The following ESR2 variants were observed in gnomAD, a reference collection of about 807,000 sequenced individuals.
The protein encoded by ESR2 is estrogen receptor beta.
Under a neutral mutation model 49.6 loss-of-function variants are expected in ESR2, and 36 were observed. The ratio of observed to expected loss-of-function variants is 0.73; its 90% CI spans 0.56 to 0.96. The LOEUF (loss-of-function observed/expected upper bound fraction) is 0.96, where lower values mean the gene tolerates loss of function less well. Ranked by LOEUF, ESR2 falls within the 40% of genes least tolerant of loss-of-function variation. The pLI is 0.00. For missense variants in ESR2, 714 were observed against 693.0 expected (o/e 1.03, Z -0.34); for synonymous variants, 320 against 266.1 (o/e 1.20, Z -1.97).
intron 4 of ESR2, among the ~76,000 whole-genome samples, chr14:64,261,830 C>T (rs1288579189): frequency 6.6e-6 from 1 of 152,156 alleles, no homozygotes; most frequent in African/African-American, 2.4e-5. Context: ...TAGCTCACTG[C>T]AGCCTTCATC....
intron 2 of ESR2, among the ~76,000 whole-genome samples, chr14:64,282,118 T>G (rs1254317146): frequency 6.6e-6 from 1 of 152,074 alleles, no homozygotes. Flanking sequence ...CCAAGGCAGG[T>G]GGATCATTTG....
rs2140588250 is a variant in ESR2 at position 64,229,817 on chromosome 14, C to T, written c.*3320G>A. Among the ~76,000 whole-genome samples the T allele has an allele frequency of 6.6e-6, 1 of 152,218 alleles. No individual in the cohort carries two copies. The highest frequency in any genetic ancestry group is 2.4e-5 in the African/African-American group (1 of 41,516). Reference sequence around the variant, plus strand: ...GAGGCACTGAGAACTGTGTCTGGCACAGATATTATCTTTAGATACTAAATA... The same window carrying T: ...GAGGCACTGAGAACTGTGTCTGGCATAGATATTATCTTTAGATACTAAATA... On this transcript the variant is annotated 3_prime_UTR_variant, in exon 9 of 9. Transcript: ENST00000341099.
At chr14:64,250,880 G>A (rs775270709) in intron 6 of ESR2, among the ~76,000 whole-genome samples, 3 of 152,070 alleles carry the variant, frequency 2.0e-5, no homozygotes, top group Non-Finnish European at 4.4e-5. Context: ...ACCCAGACTC[G>A]CTCACACAGA....
chr14:64,293,795 T>A (rs1310217391), intron 1 of ESR2, among the ~76,000 whole-genome samples: 1 of 152,238 alleles, frequency 6.6e-6, no homozygotes, highest in African/African-American at 2.4e-5. Context: ...CAGTTATTCA[T>A]ATTAGCACAA....
intron 7 of ESR2, among the ~76,000 whole-genome samples, chr14:64,247,487 T>C (rs1406275818): frequency 2.6e-5 from 4 of 152,218 alleles, no homozygotes; most frequent in Non-Finnish European, 5.9e-5. Flanking sequence ...AACTGCTACT[T>C]TGGCTGATTT....
rs1191887623 is a variant in ESR2, at chr14:64,315,815, C to A, written c.-91+22083G>T. Among the ~76,000 whole-genome samples the A allele has an allele frequency of 3.9e-5, 6 of 151,960 alleles. No individual in the cohort carries two copies. In the East Asian group the frequency reaches 1.2e-3, roughly 29 times the overall value. On this transcript the variant is annotated intron_variant, in intron 1 of 8. Coordinates refer to the ESR2 transcript ENST00000358599. ...AACTACAGGTGCGTGCCACCACGCCCAGCTAATTTTTGTATTTTTAGTAGA... is the reference window on the plus strand; with the variant it reads ...AACTACAGGTGCGTGCCACCACGCCAAGCTAATTTTTGTATTTTTAGTAGA...
At chr14:64,274,219 A>T (rs1245500639) in intron 3 of ESR2, among the ~76,000 whole-genome samples, 1 of 150,932 alleles carries the variant, frequency 6.6e-6, no homozygotes, top group Non-Finnish European at 1.5e-5. Context: ...AAGTGCTGGG[A>T]TTATAGGTAT....
intron 1 of ESR2, among the ~76,000 whole-genome samples, chr14:64,307,677 G>T (rs1344006463): frequency 1.3e-5 from 2 of 152,022 alleles, no homozygotes; most frequent in Admixed American, 6.6e-5. Flanking sequence ...TGGGACTACA[G>T]GCGCCCACCA....
Position 64,231,828 on chromosome 14 carries a change from A to C in ESR2, c.*1309T>G, listed in dbSNP as rs1299713117. The C allele has an allele frequency of 2.6e-5, 4 of 152,166 alleles. No homozygotes were observed. The East Asian group carries it at 7.7e-4, about 29-fold the overall frequency. The allele number at this position is 152,166 out of a possible 1,614,324, so 9.4% of individuals were successfully genotyped here. On this transcript the variant is annotated 3_prime_UTR_variant, in exon 9 of 9. Transcript: ENST00000341099. ...CCGTGTATCCAAAACTGGAAATTTC[A>C]CATCTTTTAAAAGGTGAGTTAAAGT...
intron 3 of ESR2, among the ~76,000 whole-genome samples, chr14:64,274,278 C>A (rs530470126): frequency 9.3e-4 from 141 of 152,162 alleles, no homozygotes; most frequent in Middle Eastern, 6.8e-3. Context: ...CAGCTTCAAT[C>A]TTGTTACTTG....
chr14:64,290,081 G>C (rs547307100), intron 1 of ESR2, among the ~76,000 whole-genome samples: 5 of 152,150 alleles, frequency 3.3e-5, no homozygotes, highest in East Asian at 1.9e-4. Context: ...TAGCTTTTTT[G>C]GGGGGTGGGG....
intron 1 of ESR2, chr14:64,330,123 A>G (rs938662629): frequency 2.7e-5 from 4 of 148,030 alleles, no homozygotes; most frequent in Non-Finnish European, 5.9e-5. Context: ...GTCTCAAAAA[A>G]AGAAAGAAAG....
intron 3 of ESR2, among the ~76,000 whole-genome samples, chr14:64,271,400 A>G (rs1305728266): frequency 6.6e-6 from 1 of 152,104 alleles, no homozygotes. Flanking sequence ...ATCTCGACTC[A>G]CTGCAACCTC....
chr14:64,248,232 A>G (rs1276579346), intron 7 of ESR2, among the ~76,000 whole-genome samples: 1 of 151,906 alleles, frequency 6.6e-6, no homozygotes, highest in Non-Finnish European at 1.5e-5. Context: ...GACTGTGCAC[A>G]GTGGCTCACG....
chr14:64,240,321 G>A (rs186725057), intron 7 of ESR2, among the ~76,000 whole-genome samples: 4 of 152,300 alleles, frequency 2.6e-5, no homozygotes, highest in African/African-American at 7.2e-5. Context: ...CAAATGCAGC[G>A]CTTGGAAACT....
intron 8 of ESR2, 81 bp from the exon 9 acceptor site, chr14:64,233,404 T>C: frequency 7.2e-7 from 1 of 1,379,632 alleles, no homozygotes; most frequent in Admixed American, 1.8e-5. Context: ...CTCTCTTTGC[T>C]CAGAGCCAGT....
At chr14:64,282,322 G>A (rs1051620282) in intron 2 of ESR2, among the ~76,000 whole-genome samples, 3 of 152,154 alleles carry the variant, frequency 2.0e-5, no homozygotes, top group Non-Finnish European at 4.4e-5. Flanking sequence ...TCCAGTCTGA[G>A]TGACAGAGCG....
intron 3 of ESR2, among the ~76,000 whole-genome samples, chr14:64,274,090 C>A (rs748136498): frequency 6.6e-6 from 1 of 152,000 alleles, no homozygotes; most frequent in Admixed American, 6.6e-5. Context: ...CAGATGCATA[C>A]CACCACACCT....
At chr14:64,315,945 G>A (rs765184839) in intron 1 of ESR2, among the ~76,000 whole-genome samples, 3 of 151,880 alleles carry the variant, frequency 2.0e-5, no homozygotes, top group East Asian at 1.9e-4. Context: ...GTGCCACCAC[G>A]CCTGGCCTTA....
Sources: gnomAD v4.1 joint callset for allele counts (sites outside exome capture counted in the v4.1 genomes callset) on GRCh38, gnomAD v4.1.1 for gene constraint, MANE v1.5 for transcripts, NCBI Gene and HGNC (gene_info 2026-07-23, HGNC 2026-07-21) for gene names.